The following SLC29A2 variants were observed in gnomAD, a reference collection of about 807,000 sequenced individuals.
The protein encoded by SLC29A2 is solute carrier family 29 member 2.
Under a neutral mutation model 48.8 loss-of-function variants are expected in SLC29A2, and 37 were observed. That is an observed-to-expected ratio of 0.76 (90% CI 0.58 to 1.00). The LOEUF (loss-of-function observed/expected upper bound fraction) is 1.00. Among genes scored for constraint, SLC29A2 ranks in the 50% least tolerant of loss-of-function variants. The pLI is 0.00. For missense variants in SLC29A2, 533 were observed against 578.6 expected, an observed-to-expected ratio of 0.92 and a Z score of 0.81; for synonymous variants, 233 against 261.7, an observed-to-expected ratio of 0.89 and a Z score of 1.06.
In SLC29A2 at chr11:66,363,365, G is replaced by T. The variant is rs757424477; in HGVS notation, c.*71C>A. 3.9e-6 allele frequency: 5 copies of T among 1,278,400 alleles called. No homozygotes were observed. Among genetic ancestry groups the T allele is most frequent in the East Asian group, 4.8e-5 (2 of 41,978 alleles). The allele number at this position is 1,278,400 out of a possible 1,614,324, so 79.2% of individuals were successfully genotyped here. A position where few individuals can be genotyped will look rare whatever the true frequency, so the allele number is the denominator to read the frequency against. ...GAGGCCTGAGCCAAGCTCGCCATTC[G>T]CCCTGGGCTGGATCTCAGCTCCGGA... On this transcript the variant is annotated 3_prime_UTR_variant, in exon 12 of 12. Transcript: ENST00000357440.
Position 66,362,666 on chromosome 11 carries a change from GGAGA to G in SLC29A2, c.*766_*769del, listed in dbSNP as rs1452127580. The stretch of plus-strand genomic sequence containing the variant: ...GCAGGAAGAACAGCACCAACAGGGA[GGAGA>G]GAGAGGGGATTGGGTCCCGGCTCTA... On this transcript the variant is annotated 3_prime_UTR_variant, in exon 12 of 12. Coordinates refer to ENST00000357440, the MANE Select transcript of SLC29A2 (RefSeq NM_001532.3). 4 of 152,256 alleles carry G rather than the reference GGAGA, an allele frequency of 2.6e-5. No individual in the cohort carries two copies. The highest frequency in any genetic ancestry group is 9.7e-5 in the African/African-American group (4 of 41,444). The allele number at this position is 152,256 out of a possible 1,614,324, so 9.4% of individuals were successfully genotyped here. A position where few individuals can be genotyped will look rare whatever the true frequency, so the allele number is the denominator to read the frequency against.
chr11:66,365,906 C>T (rs1855659023), intron 10 of SLC29A2, 30 bp downstream of exon 10: 1 of 1,601,944 alleles, frequency 6.2e-7, no homozygotes, highest in Non-Finnish European at 8.6e-7. Flanking sequence ...CTTCCTAAAA[C>T]ATCGGATCAC....
chr11:66,363,175 T>C lies in SLC29A2; in HGVS notation c.*261A>G. ...AGCAGCCGTGCCCTGCACCCTCTTT[T>C]CCCTAGTCATCACCCTTTCCATGAG... On this transcript the variant is annotated 3_prime_UTR_variant, in exon 12 of 12. Transcript: ENST00000357440. 2.0e-6 allele frequency: 1 copy of C among 495,096 alleles called. No homozygotes were observed. Among genetic ancestry groups the C allele is most frequent in the Non-Finnish European group, 3.7e-6 (1 of 269,808 alleles). The allele number at this position is 495,096 out of a possible 1,614,324, so 30.7% of individuals were successfully genotyped here. A position where few individuals can be genotyped will look rare whatever the true frequency, so the allele number is the denominator to read the frequency against.
rs924262810 is a variant in SLC29A2, at chr11:66,363,420, G to C, written c.*16C>G. 1 of 1,580,300 alleles carries C rather than the reference G, an allele frequency of 6.3e-7. No homozygotes were observed. Among genetic ancestry groups the C allele is most frequent in the Admixed American group, 1.7e-5 (1 of 59,930 alleles). On this transcript the variant is annotated 3_prime_UTR_variant, in exon 12 of 12. Coordinates refer to ENST00000357440, the MANE Select transcript of SLC29A2 (RefSeq NM_001532.3). ...GACGTCGAGAAGAGGCTGCCAAAGAGCCTGGAGGGGCCACTTCAGAGCAGC... is the reference window on the plus strand; with the variant it reads ...GACGTCGAGAAGAGGCTGCCAAAGACCCTGGAGGGGCCACTTCAGAGCAGC...
chr11:66,366,187 G>T lies in SLC29A2; in HGVS notation c.912C>A (p.Thr304=). 1 of 1,614,208 alleles carries T rather than the reference G, an allele frequency of 6.2e-7. No homozygotes were observed. Among genetic ancestry groups the T allele is most frequent in the Non-Finnish European group, 8.5e-7 (1 of 1,180,026 alleles). ...ALCLVLVFTV[T]LSVFPAITAM... Reference sequence around the variant, plus strand: ...CTGTGATGGCGGGGAAGACGGACAGGGTGACTGTGAAGACCAACACAAGGC... The same window carrying T: ...CTGTGATGGCGGGGAAGACGGACAGTGTGACTGTGAAGACCAACACAAGGC... Residue 304 remains threonine, a synonymous_variant, in exon 9 of 12, where the codon ACC becomes ACA. Coordinates refer to ENST00000357440, the MANE Select transcript of SLC29A2 (RefSeq NM_001532.3).
rs775873193 is a variant in SLC29A2, at chr11:66,363,470, G to T, written c.1337C>A (p.Ala446Asp). 6.2e-7 allele frequency: 1 copy of T among 1,613,992 alleles called. No homozygotes were observed. Among genetic ancestry groups the T allele is most frequent in the Non-Finnish European group, 8.5e-7 (1 of 1,179,954 alleles). Residue 446 changes from alanine (A) to aspartate (D), a missense_variant, in exon 12 of 12, where the codon GCC (alanine) becomes GAC (aspartate). Ala to Asp is a moderately radical substitution (Grantham distance 126). Coordinates refer to ENST00000357440, the MANE Select transcript of SLC29A2 (RefSeq NM_001532.3). ...FFLALGLSCG[A>D]SLSFLFKALL ...CGCCTTGAAGAGGAAGGAGAGGGAG[G>T]CTCCACAGGAAAGTCCCAGGGCCAG...
intron 7 of SLC29A2, 80 bp downstream of exon 7, chr11:66,367,384 C>T: frequency 1.6e-6 from 2 of 1,225,626 alleles, no homozygotes; most frequent in Non-Finnish European, 2.4e-6. Context: ...TGGCTGGGAA[C>T]AGATGGAACA....
chr11:66,364,053 C>T (rs970401142), intron 11 of SLC29A2, among the ~76,000 whole-genome samples, 172 bp downstream of exon 11: 4 of 152,192 alleles, frequency 2.6e-5, no homozygotes, highest in African/African-American at 9.6e-5. Context: ...CCAGTTCTCT[C>T]CCCTGCAGTT....
At chr11:66,367,010 G>T (rs996560766) in intron 7 of SLC29A2, among the ~76,000 whole-genome samples, 2 of 152,202 alleles carry the variant, frequency 1.3e-5, no homozygotes, top group African/African-American at 4.8e-5. Flanking sequence ...AGCTGAGGCT[G>T]CAGGCGAAGG....
rs1176737963 is a variant in SLC29A2, at chr11:66,370,994, G to A, written c.111+250C>T. ...CAGGAATAACGACACACAGAGAGGG[G>A]TGGCAGCGCCTTTGCTCATTCCAGA... On this transcript the variant is annotated intron_variant, in intron 2 of 11. Coordinates refer to ENST00000357440, the MANE Select transcript of SLC29A2 (RefSeq NM_001532.3). 2.6e-5 allele frequency among the ~76,000 whole-genome samples: 4 copies of A among 152,212 alleles called. No individual in the cohort carries two copies. The East Asian group carries it at 7.7e-4, about 29-fold the overall frequency.
intron 1 of SLC29A2, 23 bp from the exon 2 acceptor site, chr11:66,371,348 C>A: frequency 2.5e-6 from 4 of 1,611,626 alleles, no homozygotes; most frequent in Non-Finnish European, 3.4e-6. Context: ...GTGGGAAGGT[C>A]ACCCCGAGGA....
Position 66,369,067 on chromosome 11 carries a change from G to T in SLC29A2, c.408C>A (p.Phe136Leu). 1 of 1,600,446 alleles carries T rather than the reference G, an allele frequency of 6.2e-7. No homozygotes were observed. The highest frequency in any genetic ancestry group is 8.5e-7 in the Non-Finnish European group (1 of 1,173,748). The change falls in exon 4 of 12, where the codon TTC (phenylalanine) becomes TTA (leucine). Residue 136 changes from phenylalanine (F) to leucine (L), a missense_variant. Phe to Leu is a conservative substitution (Grantham distance 22). Transcript: ENST00000357440. Reference sequence around the variant, plus strand: ...GGGGGTGGAGGTGCTCACAGTTGATGAAGCAGACGGAGGCCATGGTGATGG... The same window carrying T: ...GGGGGTGGAGGTGCTCACAGTTGATTAAGCAGACGGAGGCCATGGTGATGG... The part of the protein sequence containing the change: ...FFSITMASVC[F>L]INSFSAVLQG...
upstream of SLC29A2, chr11:66,371,881 A>AG: frequency 2.0e-6 from 1 of 493,978 alleles, no homozygotes. Context: ...CGCCCCACCT[A>AG]GGGGCCTGCG....
At chr11:66,368,424 A>C (rs1855830081) in intron 5 of SLC29A2, 113 bp downstream of exon 5, 1 of 1,396,476 alleles carries the variant, frequency 7.2e-7, no homozygotes, top group Non-Finnish European at 1.0e-6. Flanking sequence ...TTTCCATATC[A>C]CCTGCTTACC....
chr11:66,371,345 G>T lies in SLC29A2; in HGVS notation c.30-20C>A, dbSNP rs765677144. 4 of 1,611,904 alleles carry T rather than the reference G, an allele frequency of 2.5e-6. No individual in the cohort carries two copies. In the African/African-American group the frequency reaches 5.3e-5, roughly 22 times the overall value. ...TGGTAGCTGTGGGGATCGGTGGGAA[G>T]GTCACCCCGAGGACGCACCCGCCTC... On this transcript the variant is annotated intron_variant, in intron 1 of 11. Coordinates refer to ENST00000357440, the MANE Select transcript of SLC29A2 (RefSeq NM_001532.3).
rs1288690149 is a variant in SLC29A2 at position 66,371,639 on chromosome 11, A to G, written c.-48T>C. The stretch of plus-strand genomic sequence containing the variant: ...GGGGTGAAAGGGGCAGAGAAGCCGC[A>G]CCTGCACCTGCGCTGGGGCGGAGGG... On this transcript the variant is annotated 5_prime_UTR_variant, in exon 1 of 12. Transcript: ENST00000357440. 6.5e-7 allele frequency: 1 copy of G among 1,528,190 alleles called. No individual in the cohort carries two copies. The highest frequency in any genetic ancestry group is 2.0e-5 in the Admixed American group (1 of 51,060). The allele number at this position is 1,528,190 out of a possible 1,614,324, so 94.7% of individuals were successfully genotyped here. A position where few individuals can be genotyped will look rare whatever the true frequency, so the allele number is the denominator to read the frequency against.
rs1855499417 is a variant in SLC29A2 at position 66,363,692 on chromosome 11, C to T, written c.1260-145G>A. 3 of 700,726 alleles carry T rather than the reference C, an allele frequency of 4.3e-6. No homozygotes were observed. The South Asian group carries it at 4.5e-5, about 11-fold the overall frequency. The allele number at this position is 700,726 out of a possible 1,614,324, so 43.4% of individuals were successfully genotyped here. The stretch of plus-strand genomic sequence containing the variant: ...CCCCTTCTTTCCGGGCCTCAGTTTC[C>T]TGGTCTGTAAATGAGGCTGCTGGAT... On this transcript the variant is annotated intron_variant, in intron 11 of 11. Coordinates refer to ENST00000357440, the MANE Select transcript of SLC29A2 (RefSeq NM_001532.3).
chr11:66,364,487 G>A, intron 10 of SLC29A2, 63 bp from the exon 11 acceptor site: 1 of 1,235,074 alleles, frequency 8.1e-7, no homozygotes, highest in South Asian at 1.3e-5. Flanking sequence ...GGGCATCTCA[G>A]GACACCCATA....
Position 66,367,798 on chromosome 11 carries a change from C to T in SLC29A2, c.622G>A (p.Val208Met), listed in dbSNP as rs150459418. Residue 208 changes from valine to methionine, a missense_variant, in exon 6 of 12, where the codon GTG (valine) becomes ATG (methionine). Physicochemically the swap from Val to Met is conservative, Grantham distance 21. Transcript: ENST00000357440. ...TPCVGILMSI[V>M]CYLSLPHLKF... ...AGGTGAGGCAGGCTCAGGTAACACA[C>T]GATGGACATGAGGATGCCCACACAG... The T allele has an allele frequency of 2.4e-5, 39 of 1,614,054 alleles. No individual in the cohort carries two copies. The highest frequency in any genetic ancestry group is 3.1e-5 in the Non-Finnish European group (36 of 1,179,994).
Sources: gnomAD v4.1 joint callset for allele counts (sites outside exome capture counted in the v4.1 genomes callset) on GRCh38, gnomAD v4.1.1 for gene constraint, MANE v1.5 for transcripts, NCBI Gene and HGNC (gene_info 2026-07-23, HGNC 2026-07-21) for gene names.